PCDHGA9: variants seen among roughly 807,000 people sequenced by gnomAD.
PCDHGA9 encodes protocadherin gamma subfamily A, 9.
In PCDHGA9, 37 loss-of-function variants were observed where a neutral mutation model predicts 62.5. That is an observed-to-expected ratio of 0.59 (90% CI 0.46 to 0.78). The LOEUF is 0.78. Ranked by LOEUF, PCDHGA9 falls within the 30% of genes least tolerant of loss-of-function variation. The pLI, the probability that PCDHGA9 is intolerant of heterozygous loss-of-function variation, is 0.00. For synonymous variants in PCDHGA9, 459 were observed against 484.6 expected (o/e 0.95, Z 0.69); for missense variants, 1,138 against 1,166.2 (o/e 0.98, Z 0.35).
At chr5:141,488,217 A>G (rs537136341) in intron 1 of PCDHGA9, among the ~76,000 whole-genome samples, 2 of 152,274 alleles carry the variant, frequency 1.3e-5, no homozygotes, top group East Asian at 1.9e-4. Flanking sequence ...TCAAGTCCCT[A>G]CTGGGGATTT....
chr5:141,408,661 G>A (rs1462103250), intron 1 of PCDHGA9: 1 of 1,613,770 alleles, frequency 6.2e-7, no homozygotes, highest in Non-Finnish European at 8.5e-7. Context: ...CACGACTATC[G>A]CTTGACCCTG....
chr5:141,406,477 A>G (rs1233914824), intron 1 of PCDHGA9, among the ~76,000 whole-genome samples: 1 of 152,166 alleles, frequency 6.6e-6, no homozygotes, highest in Non-Finnish European at 1.5e-5. Flanking sequence ...TTGAGGTTAT[A>G]TTTTTCAGAT....
intron 1 of PCDHGA9, among the ~76,000 whole-genome samples, chr5:141,433,553 T>C (rs530467777): frequency 1.3e-5 from 2 of 151,614 alleles, no homozygotes; most frequent in African/African-American, 4.8e-5. Flanking sequence ...TATTCTTTTC[T>C]GGCTGGGCGC....
intron 1 of PCDHGA9, chr5:141,421,871 CT>C: frequency 6.2e-7 from 1 of 1,613,756 alleles, no homozygotes; most frequent in Non-Finnish European, 8.5e-7. Flanking sequence ...CTCCTCACAG[CT>C]TTAGATGGAG....
rs538734954 is a variant in PCDHGA9 at position 141,494,863 on chromosome 5, C to T, written c.2481C>T (p.Ser827=). The change falls in exon 2 of 4, where the codon AGC becomes AGT. Residue 827 remains serine, a splice_region_variant and synonymous_variant. Coordinates refer to ENST00000573521, the MANE Select transcript of PCDHGA9 (RefSeq NM_018921.3). The part of the protein sequence containing the change: ...RFSQAQRPGT[S]GSQNGDDTGT... ...CTCAGGCCCAGAGACCCGGCACCAG[C>T]GGGTAGGTGACTGATTCTCCAGCCC... 2 of 1,614,118 alleles carry T rather than the reference C, an allele frequency of 1.2e-6. No individual in the cohort carries two copies. Among genetic ancestry groups the T allele is most frequent in the East Asian group, 2.2e-5 (1 of 44,874 alleles).
chr5:141,428,025 G>C, intron 1 of PCDHGA9: 1 of 1,606,426 alleles, frequency 6.2e-7, no homozygotes, highest in Non-Finnish European at 8.5e-7. Flanking sequence ...ACGCGCCGCA[G>C]AGTCCGGCTA....
chr5:141,438,811 G>T (rs2098067148), intron 1 of PCDHGA9, among the ~76,000 whole-genome samples: 1 of 149,790 alleles, frequency 6.7e-6, no homozygotes, highest in East Asian at 2.0e-4. Context: ...ACAGGCGCCT[G>T]TCACCATGCC....
rs549829392 is a variant in PCDHGA9 at position 141,403,606 on chromosome 5, C to T, written c.654C>T (p.Gly218=). The T allele has an allele frequency of 3.1e-5, 50 of 1,613,710 alleles. No homozygotes were observed. The East Asian group carries it at 8.5e-4, about 27-fold the overall frequency. Reference sequence around the variant, plus strand: ...TGGTCCTCACGGCCTCGGATGGCGGCGAGCCGCGTCGCTCCAGCACAGTGC... The same window carrying T: ...TGGTCCTCACGGCCTCGGATGGCGGTGAGCCGCGTCGCTCCAGCACAGTGC... ...HHLVLTASDG[G]EPRRSSTVRI... Residue 218 remains glycine (G), a synonymous_variant, in exon 1 of 4, where the codon GGC becomes GGT. Coordinates refer to ENST00000573521, the MANE Select transcript of PCDHGA9 (RefSeq NM_018921.3).
Position 141,486,880 on chromosome 5 carries a change from G to T in PCDHGA9, c.2425-7927G>T. On this transcript the variant is annotated intron_variant, in intron 1 of 3. Transcript: ENST00000573521. The surrounding 1 kb of genome is among the most constrained non-coding windows in gnomAD (Gnocchi z 5.0). The stretch of plus-strand genomic sequence containing the variant: ...ATGCTCCAGCTGTGCTCCGTCCTCG[G>T]GCCCGGCCTGGTTCCTTATGTCCCC... The T allele has an allele frequency of 6.2e-7, 1 of 1,614,212 alleles. No homozygotes were observed. Among genetic ancestry groups the T allele is most frequent in the East Asian group, 2.2e-5 (1 of 44,882 alleles).
chr5:141,438,613 TATATATATATATATATATATATAC>T (rs1240061633), intron 1 of PCDHGA9, among the ~76,000 whole-genome samples: 627 of 36,484 alleles, frequency 0.017, 21 homozygotes, highest in African/African-American at 0.051. Flanking sequence ...TATATATATA[TATATATATATATATATATATATAC>T]ACACACACAC....
rs1233148754 is a variant in PCDHGA9, at chr5:141,428,157, T to A, written c.2424+22781T>A. ...CCTGGGGCTGCACACGGGAACCTGC[T>A]GGTTGCTGTGCGTGACGGAGGACAG... On this transcript the variant is annotated intron_variant, in intron 1 of 3. Coordinates refer to ENST00000573521, the MANE Select transcript of PCDHGA9 (RefSeq NM_018921.3). The A allele has an allele frequency of 4.4e-6, 7 of 1,575,024 alleles. No individual in the cohort carries two copies. The East Asian group carries it at 1.6e-4, about 35-fold the overall frequency.
rs771124496 is a variant in PCDHGA9, at chr5:141,489,457, C to A, written c.2425-5350C>A. The A allele has an allele frequency of 6.2e-7, 1 of 1,613,882 alleles. No homozygotes were observed. The highest frequency in any genetic ancestry group is 8.5e-7 in the Non-Finnish European group (1 of 1,179,984). ...GCAATTGGGCTCTGAGGAGAATGGG[C>A]GCTATTTTTCCCTGAGCTTGATGAG... On this transcript the variant is annotated intron_variant, in intron 1 of 3. Coordinates refer to ENST00000573521, the MANE Select transcript of PCDHGA9 (RefSeq NM_018921.3). This position sits in a 1 kb window ranked among gnomAD's most constrained non-coding sequence, Gnocchi z 4.5.
intron 1 of PCDHGA9, among the ~76,000 whole-genome samples, chr5:141,449,543 C>T (rs377524476): frequency 2.7e-5 from 4 of 147,148 alleles, no homozygotes; most frequent in Non-Finnish European, 4.5e-5. Context: ...GAGCCGAGAT[C>T]GCACCACTGC....
intron 1 of PCDHGA9, chr5:141,415,073 C>G: frequency 1.9e-6 from 3 of 1,613,434 alleles, no homozygotes; most frequent in Non-Finnish European, 2.5e-6. Flanking sequence ...GTGCGCACGG[C>G]GCGAGCCCTG....
chr5:141,502,500 G>C (rs1398797155), intron 2 of PCDHGA9, among the ~76,000 whole-genome samples: 1 of 152,046 alleles, frequency 6.6e-6, no homozygotes, highest in Non-Finnish European at 1.5e-5. Flanking sequence ...ATCTAACGTC[G>C]GCCTGTCCCA....
intron 1 of PCDHGA9, chr5:141,409,742 G>T (rs763304955): frequency 5.0e-6 from 8 of 1,612,988 alleles, no homozygotes; most frequent in African/African-American, 1.3e-5. Flanking sequence ...GAGCGGGGTG[G>T]TGTTCGCGCA....
chr5:141,460,938 A>G (rs532872249), intron 1 of PCDHGA9, among the ~76,000 whole-genome samples: 38 of 149,918 alleles, frequency 2.5e-4, no homozygotes, highest in African/African-American at 9.1e-4. Context: ...GTGTGTGTAT[A>G]TATATGTATT....
intron 1 of PCDHGA9, among the ~76,000 whole-genome samples, chr5:141,435,652 G>A (rs978809372): frequency 3.9e-5 from 6 of 152,226 alleles, no homozygotes; most frequent in East Asian, 1.9e-4. Flanking sequence ...TTTCTGAAAC[G>A]TGCACAGATT....
rs569260568 is a variant in PCDHGA9, at chr5:141,408,294, A to G, written c.2424+2918A>G. The G allele has an allele frequency of 2.0e-5, 33 of 1,613,508 alleles. No homozygotes were observed. The East Asian group carries it at 7.1e-4, about 35-fold the overall frequency. ...CCTTTGTTCTACCCCACCCTGAGTG[A>G]GCCGATCCGCTACTCGATTCCGGAG... is the stretch of plus-strand genomic sequence containing the variant. On this transcript the variant is annotated intron_variant, in intron 1 of 3. Coordinates refer to ENST00000573521, the MANE Select transcript of PCDHGA9 (RefSeq NM_018921.3).
Sources: allele counts gnomAD v4.1 joint callset (sites outside exome capture counted in the v4.1 genomes callset), GRCh38; gene constraint gnomAD v4.1.1; non-coding constraint Gnocchi (gnomAD v3.1); transcripts MANE v1.5; gene names NCBI Gene and HGNC (gene_info 2026-07-23, HGNC 2026-07-21).